Variants in FBXL13 observed in about 807,000 individuals in gnomAD.
FBXL13 encodes F-box and leucine rich repeat protein 13.
In FBXL13, 67 loss-of-function variants were observed where a neutral mutation model predicts 83.6. The ratio of observed to expected loss-of-function variants is 0.80; its 90% confidence interval spans 0.66 to 0.98. The LOEUF (loss-of-function observed/expected upper bound fraction) is 0.98. Among genes scored for constraint, FBXL13 ranks in the 50% least tolerant of loss-of-function variants. FBXL13 has a pLI of 0.00. For missense variants in FBXL13, 822 were observed against 866.5 expected, an observed-to-expected ratio of 0.95 and a Z score of 0.64; for synonymous variants, 272 against 299.5, an observed-to-expected ratio of 0.91 and a Z score of 0.95.
intron 11 of FBXL13, among the ~76,000 whole-genome samples, chr7:102,894,896 G>A (rs914213716): frequency 6.6e-6 from 1 of 152,072 alleles, no homozygotes; most frequent in Non-Finnish European, 1.5e-5. Context: ...TTCCCACTAC[G>A]TAACAGGCAT....
intron 16 of FBXL13, among the ~76,000 whole-genome samples, chr7:102,867,254 A>G (rs2129455331): frequency 6.6e-6 from 1 of 152,236 alleles, no homozygotes; most frequent in South Asian, 2.1e-4. Flanking sequence ...GCTACTTGGG[A>G]GGCTGAGGCA....
At chr7:102,898,167 TAC>T (rs141692298) in intron 11 of FBXL13, among the ~76,000 whole-genome samples, 2 of 151,600 alleles carry the variant, frequency 1.3e-5, no homozygotes, top group Non-Finnish European at 2.9e-5. Flanking sequence ...TCGACTCCTA[TAC>T]ACACACACAC....
chr7:102,938,367 A>T (rs1268359152), intron 8 of FBXL13, among the ~76,000 whole-genome samples: 10 of 152,246 alleles, frequency 6.6e-5, no homozygotes, highest in African/African-American at 2.4e-4. Context: ...TATGCAATAA[A>T]CAGGGCCATT....
At chr7:103,067,247 T>C (rs1408340422) in intron 1 of FBXL13, among the ~76,000 whole-genome samples, 1 of 152,216 alleles carries the variant, frequency 6.6e-6, no homozygotes, top group East Asian at 1.9e-4. Context: ...CACGGACTGC[T>C]GGATATTTGA....
intron 8 of FBXL13, chr7:102,944,093 C>G: frequency 1.2e-6 from 1 of 800,434 alleles, no homozygotes; most frequent in Non-Finnish European, 1.9e-6. Context: ...AAAGAAATCT[C>G]TTTATTTTCA....
At chr7:103,001,661 T>G (rs1790419624) in intron 6 of FBXL13, among the ~76,000 whole-genome samples, 2 of 152,182 alleles carry the variant, frequency 1.3e-5, no homozygotes, top group Non-Finnish European at 2.9e-5. Flanking sequence ...GTTTGCTGCA[T>G]CTTGTGGTTC....
At chr7:102,862,318 G>C (rs1806981792) in intron 16 of FBXL13, among the ~76,000 whole-genome samples, 1 of 136,608 alleles carries the variant, frequency 7.3e-6, no homozygotes, top group African/African-American at 2.8e-5. Context: ...GACAGAGGGA[G>C]AATCTGTCTC....
intron 19 of FBXL13, among the ~76,000 whole-genome samples, chr7:102,819,402 G>A (rs1207495897): frequency 6.6e-6 from 1 of 152,070 alleles, no homozygotes; most frequent in Admixed American, 6.5e-5. Flanking sequence ...ATCTTCTGCA[G>A]GAAACTCTCC....
intron 11 of FBXL13, among the ~76,000 whole-genome samples, chr7:102,908,383 T>C (rs1180483691): frequency 6.6e-6 from 1 of 152,244 alleles, no homozygotes; most frequent in East Asian, 1.9e-4. Flanking sequence ...AAAGATTACA[T>C]ATCTCTGTTT....
intron 7 of FBXL13, among the ~76,000 whole-genome samples, chr7:102,967,405 T>C (rs974180650): frequency 1.3e-5 from 2 of 152,170 alleles, no homozygotes; most frequent in African/African-American, 4.8e-5. Context: ...CCTGAGTAAC[T>C]GGGATTACAG....
intron 11 of FBXL13, among the ~76,000 whole-genome samples, chr7:102,897,180 T>TTA (rs1466437039): frequency 6.6e-6 from 1 of 151,730 alleles, no homozygotes; most frequent in Non-Finnish European, 1.5e-5. Flanking sequence ...ATATATGATT[T>TTA]TATATATATA....
chr7:102,893,846 C>T (rs1274792340), intron 11 of FBXL13, among the ~76,000 whole-genome samples: 22 of 124,364 alleles, frequency 1.8e-4, no homozygotes, highest in African/African-American at 5.6e-4. Flanking sequence ...AAGGGAAAGG[C>T]GAAGGGAGAG....
intron 2 of FBXL13, among the ~76,000 whole-genome samples, chr7:103,032,307 T>C (rs1794588750): frequency 6.6e-6 from 1 of 152,226 alleles, no homozygotes; most frequent in Non-Finnish European, 1.5e-5. Flanking sequence ...ATTGTCAACA[T>C]TCTGCCATAC....
chr7:102,909,675 A>G (rs1415910093), intron 11 of FBXL13, among the ~76,000 whole-genome samples: 1 of 152,130 alleles, frequency 6.6e-6, no homozygotes, highest in East Asian at 1.9e-4. Context: ...TGTGTCTAGA[A>G]ATGTAACTTG....
chr7:102,895,252 A>G (rs982253699), intron 11 of FBXL13, among the ~76,000 whole-genome samples: 2 of 152,170 alleles, frequency 1.3e-5, no homozygotes, highest in African/African-American at 4.8e-5. Context: ...AGAACCTTGA[A>G]GGATAAGTGC....
At chr7:102,919,584 G>A (rs1395292411) in intron 10 of FBXL13, among the ~76,000 whole-genome samples, 3 of 152,060 alleles carry the variant, frequency 2.0e-5, no homozygotes, top group South Asian at 2.1e-4. Context: ...CTCTTAGCAG[G>A]AAAAAATAGG....
At chr7:102,956,962 G>C (rs190008646) in intron 8 of FBXL13, among the ~76,000 whole-genome samples, 6 of 152,038 alleles carry the variant, frequency 3.9e-5, no homozygotes, top group Non-Finnish European at 8.8e-5. Flanking sequence ...ATACTGCCCA[G>C]GGTAATTTAT....
At chr7:102,903,806 C>T (rs1813285860) in intron 11 of FBXL13, among the ~76,000 whole-genome samples, 1 of 152,006 alleles carries the variant, frequency 6.6e-6, no homozygotes, top group Non-Finnish European at 1.5e-5. Context: ...CCTTGCATCC[C>T]AGGGATAAAT....
intron 2 of FBXL13, among the ~76,000 whole-genome samples, chr7:103,053,717 C>A (rs1797060570): frequency 6.6e-6 from 1 of 152,142 alleles, no homozygotes; most frequent in African/African-American, 2.4e-5. Context: ...TCCCTCAGCT[C>A]CTGAGGTTGT....
Sources: gnomAD v4.1 joint callset for allele counts (sites outside exome capture counted in the v4.1 genomes callset) on GRCh38, gnomAD v4.1.1 for gene constraint, MANE v1.5 for transcripts, NCBI Gene and HGNC (gene_info 2026-07-23, HGNC 2026-07-21) for gene names.